Variants in PCM1 observed in about 807,000 individuals in gnomAD.
PCM1 encodes the protein pericentriolar material 1 protein.
A neutral mutation model predicts 241.9 loss-of-function variants in PCM1; 157 were observed. That is an observed-to-expected ratio of 0.65 (90% CI 0.57 to 0.74). The LOEUF (loss-of-function observed/expected upper bound fraction) is 0.74, where lower values mean the gene tolerates loss of function less well. Among genes scored for constraint, PCM1 ranks in the 30% least tolerant of loss-of-function variants. PCM1 has a pLI of 0.00. For synonymous variants in PCM1, 1,085 were observed against 784.9 expected, an observed-to-expected ratio of 1.38 and a Z score of -6.39; for missense variants, 3,478 against 2,360.1, an observed-to-expected ratio of 1.47 and a Z score of -9.81.
intron 23 of PCM1, among the ~76,000 whole-genome samples, chr8:17,976,869 T>G (rs1313807404): frequency 7.0e-6 from 1 of 143,536 alleles, no homozygotes; most frequent in East Asian, 2.1e-4. Flanking sequence ...ATAAAACCAG[T>G]TTTTTTTTTT....
chr8:17,979,133 GAAA>G (rs57467397), intron 23 of PCM1, among the ~76,000 whole-genome samples: 26 of 86,314 alleles, frequency 3.0e-4, no homozygotes, highest in Non-Finnish European at 5.8e-4. Context: ...CAAAAGAAAA[GAAA>G]AAAAAAAAAA....
chr8:18,017,497 G>A (rs528865019), intron 36 of PCM1, among the ~76,000 whole-genome samples: 11 of 152,246 alleles, frequency 7.2e-5, no homozygotes, highest in African/African-American at 1.7e-4. Flanking sequence ...GAGTCTCCAC[G>A]CTTGACCAGT....
chr8:17,942,679 A>G (rs904931834), intron 6 of PCM1, among the ~76,000 whole-genome samples: 17 of 151,796 alleles, frequency 1.1e-4, no homozygotes, highest in African/African-American at 4.1e-4. Context: ...GTTAAAGACA[A>G]CTATTTGTAG....
Position 18,028,484 on chromosome 8 carries a change from A to T in PCM1, c.*822A>T, listed in dbSNP as rs2094368028. On this transcript the variant is annotated 3_prime_UTR_variant, in exon 39 of 39. Coordinates refer to ENST00000325083, the MANE Select transcript of PCM1 (RefSeq NM_006197.4). ...TTAACTTTTTCAAGTGGGGATAAATAATACAACTAAATTTCTGTAATAGTA... is the reference window on the plus strand; with the variant it reads ...TTAACTTTTTCAAGTGGGGATAAATTATACAACTAAATTTCTGTAATAGTA... 1.0e-5 allele frequency: 2 copies of T among 196,398 alleles called. No individual in the cohort carries two copies. The highest frequency in any genetic ancestry group is 1.6e-4 in the East Asian group (2 of 12,448). 12.2% of individuals were successfully genotyped at this position (196,398 alleles called of 1,614,324 possible).
At chr8:17,998,650 C>G (rs1588151452) in intron 29 of PCM1, among the ~76,000 whole-genome samples, 1 of 152,172 alleles carries the variant, frequency 6.6e-6, no homozygotes, top group Non-Finnish European at 1.5e-5. Flanking sequence ...TTGCCCAAGA[C>G]CCTCTGTAAC....
At position 17,969,624 on chromosome 8, in the gene PCM1, C is replaced by G. The variant is rs1191372871; in HGVS notation, c.3460C>G (p.Gln1154Glu). 6.2e-7 allele frequency: 1 copy of G among 1,610,996 alleles called. No individual in the cohort carries two copies. The highest frequency in any genetic ancestry group is 1.7e-5 in the Admixed American group (1 of 59,594). ...LFPSNFGDFS[Q>E]NISTPSEQQQ... is the part of the protein sequence containing the mutation. ...TCCTTCTAATTTTGGAGATTTTTCTCAGAATATCTCTACACCCAGTGAACA... is the reference window on the plus strand; with the variant it reads ...TCCTTCTAATTTTGGAGATTTTTCTGAGAATATCTCTACACCCAGTGAACA... Residue 1154 changes from glutamine (Q) to glutamate (E), a missense_variant, in exon 22 of 39, where the codon CAG (glutamine) becomes GAG (glutamate). Transcript: ENST00000325083.
chr8:17,964,533 A>C, intron 17 of PCM1, 35 bp from the exon 18 acceptor site: 1 of 1,540,024 alleles, frequency 6.5e-7, no homozygotes, highest in East Asian at 2.3e-5. Context: ...ACTTATCTCC[A>C]GAATGACATC....
intron 16 of PCM1, chr8:17,962,896 C>CT: frequency 2.2e-6 from 1 of 450,746 alleles, no homozygotes; most frequent in South Asian, 2.7e-5. Flanking sequence ...GAGTGAGACT[C>CT]TGTCTCAAAA....
intron 6 of PCM1, 72 bp downstream of exon 6, chr8:17,939,933 G>T (rs1021008620): frequency 1.8e-6 from 2 of 1,115,930 alleles, no homozygotes; most frequent in African/African-American, 3.1e-5. Flanking sequence ...ATGACATTCT[G>T]ATGCCACCCC....
chr8:18,028,190 C>CAAGA lies in PCM1; in HGVS notation c.*530_*533dup, dbSNP rs901140642. 12 of 191,638 alleles carry CAAGA rather than the reference C, an allele frequency of 6.3e-5. No individual in the cohort carries two copies. The Middle Eastern group carries it at 5.7e-3, about 92-fold the overall frequency. 11.9% of individuals were successfully genotyped at this position (191,638 alleles called of 1,614,324 possible). On this transcript the variant is annotated 3_prime_UTR_variant, in exon 39 of 39. Transcript: ENST00000325083. Reference sequence around the variant, plus strand: ...GATACCTGCAGGTCCTATTCCTGTGCAAGAATAGGGCAGATTATCAAGATA... The same window carrying CAAGA: ...GATACCTGCAGGTCCTATTCCTGTGCAAGAAAGAATAGGGCAGATTATCAAGATA...
chr8:18,001,995 C>CTTT (rs1166401113), intron 29 of PCM1, among the ~76,000 whole-genome samples: 5 of 23,402 alleles, frequency 2.1e-4, no homozygotes, highest in African/African-American at 2.9e-4. Context: ...TCTAACCTTT[C>CTTT]TTTTTTTTTT....
rs373892158 is a variant in PCM1 at position 18,014,718 on chromosome 8, C to T, written c.5719C>T (p.Arg1907Cys). ...TCAACAGCCTAACCCTTTGCCGTTA[C>T]GTTTACCTGAAATGGAACCCTTAGT... is the stretch of plus-strand genomic sequence containing the variant. ...STQQPNPLPLRLPEMEPLVPR... is the reference protein window; with the variant it reads ...STQQPNPLPLCLPEMEPLVPR... The change falls in exon 36 of 39, where the codon CGT becomes TGT. Residue 1907 changes from arginine (R) to cysteine (C), a missense_variant. Transcript: ENST00000325083. The T allele has an allele frequency of 6.1e-5, 98 of 1,613,274 alleles. 1 individual carries two copies. The highest frequency in any genetic ancestry group is 1.6e-4 in the East Asian group (7 of 44,460).
intron 3 of PCM1, among the ~76,000 whole-genome samples, chr8:17,936,364 C>A (rs1312528725): frequency 6.6e-6 from 1 of 151,916 alleles, no homozygotes; most frequent in Non-Finnish European, 1.5e-5. Context: ...GGAAAATATC[C>A]CAAGTGGTTT....
intron 36 of PCM1, among the ~76,000 whole-genome samples, chr8:18,021,003 G>A (rs1427974915): frequency 6.6e-6 from 1 of 152,100 alleles, no homozygotes; most frequent in Non-Finnish European, 1.5e-5. Flanking sequence ...ATGCATGTGT[G>A]GACTTTTATG....
chr8:18,016,377 C>CATG (rs1238668529), intron 36 of PCM1, among the ~76,000 whole-genome samples: 7 of 152,128 alleles, frequency 4.6e-5, no homozygotes, highest in Admixed American at 3.9e-4. Flanking sequence ...AAATTAGGAA[C>CATG]ATGAAACTAT....
At chr8:17,985,154 A>G (rs1254060872) in intron 24 of PCM1, among the ~76,000 whole-genome samples, 4 of 151,926 alleles carry the variant, frequency 2.6e-5, no homozygotes, top group Admixed American at 6.6e-5. Context: ...TATAAAATGT[A>G]TAATATTTTC....
chr8:18,014,333 G>A (rs933950571), intron 35 of PCM1, among the ~76,000 whole-genome samples: 1 of 151,994 alleles, frequency 6.6e-6, no homozygotes, highest in African/African-American at 2.4e-5. Flanking sequence ...CTATTTGTAG[G>A]CCTTATTACT....
At chr8:17,931,074 ATTAGACT>A (rs763705843) in intron 2 of PCM1, among the ~76,000 whole-genome samples, 7 of 152,184 alleles carry the variant, frequency 4.6e-5, no homozygotes, top group Non-Finnish European at 8.8e-5. Flanking sequence ...AACCTGATAG[ATTAGACT>A]TTAGTAAATT....
intron 28 of PCM1, among the ~76,000 whole-genome samples, chr8:17,992,461 T>C (rs988333178): frequency 5.9e-5 from 9 of 152,154 alleles, no homozygotes; most frequent in African/African-American, 2.2e-4. Flanking sequence ...TAGGATGGTA[T>C]CACATTGTAG....
Sources: gnomAD v4.1 joint callset for allele counts (sites outside exome capture counted in the v4.1 genomes callset) on GRCh38, gnomAD v4.1.1 for gene constraint, MANE v1.5 for transcripts, NCBI Gene and HGNC (gene_info 2026-07-23, HGNC 2026-07-21) for gene names.